The following KIF2A variants were observed in gnomAD, a reference collection of about 807,000 sequenced individuals.
KIF2A encodes the protein kinesin-like protein KIF2A.
A neutral mutation model predicts 100.2 loss-of-function variants in KIF2A; 22 were observed. That is an observed-to-expected ratio of 0.22 (90% confidence interval 0.16 to 0.31). The LOEUF is 0.31. KIF2A is among the 10% of genes least tolerant of loss of function. The pLI, the probability that KIF2A is intolerant of heterozygous loss-of-function variation, is 1.00. For missense variants in KIF2A, 495 were observed against 898.7 expected, an observed-to-expected ratio of 0.55 and a Z score of 5.74; for synonymous variants, 268 against 285.9, an observed-to-expected ratio of 0.94 and a Z score of 0.63.
chr5:62,324,605 G>A lies in KIF2A; in HGVS notation c.64+18069G>A, dbSNP rs192322996. ...AGCAAAGTCGATAATAGCAAGCAAC[G>A]GGGAAAGGACTCCTTATTCAGTAAA... On this transcript the variant is annotated intron_variant, in intron 1 of 20. Coordinates refer to ENST00000407818, the MANE Select transcript of KIF2A (RefSeq NM_001098511.3). Among the ~76,000 whole-genome samples, 230 of 152,252 alleles carry A rather than the reference G, an allele frequency of 1.5e-3. 2 individuals carry two copies. The highest frequency in any genetic ancestry group is 5.3e-3 in the African/African-American group (220 of 41,550).
chr5:62,326,400 A>T (rs1746381915), intron 1 of KIF2A, among the ~76,000 whole-genome samples: 1 of 151,980 alleles, frequency 6.6e-6, no homozygotes, highest in African/African-American at 2.4e-5. Flanking sequence ...CAGCAAAATG[A>T]CCTTGCTTGT....
At chr5:62,344,525 G>A (rs1322101165) in intron 1 of KIF2A, among the ~76,000 whole-genome samples, 1 of 152,136 alleles carries the variant, frequency 6.6e-6, no homozygotes, top group African/African-American at 2.4e-5. Context: ...GTGTTGTTGA[G>A]GGTGTGGAGG....
At chr5:62,353,182 ATG>A (rs1747941374) in intron 5 of KIF2A, 91 bp from the exon 6 acceptor site, 1 of 605,052 alleles carries the variant, frequency 1.7e-6, no homozygotes, top group Non-Finnish European at 2.8e-6. Flanking sequence ...TGTACCTTTT[ATG>A]TGTGTGTGGT....
At chr5:62,335,077 C>T (rs1409248873) in intron 1 of KIF2A, among the ~76,000 whole-genome samples, 1 of 152,170 alleles carries the variant, frequency 6.6e-6, no homozygotes, top group Non-Finnish European at 1.5e-5. Context: ...TCAGGATTCC[C>T]ACACCCTCAA....
chr5:62,321,294 G>C (rs1018368166), intron 1 of KIF2A, among the ~76,000 whole-genome samples: 1 of 152,142 alleles, frequency 6.6e-6, no homozygotes, highest in Non-Finnish European at 1.5e-5. Context: ...AAGTGGAATT[G>C]CTGGATTATA....
chr5:62,379,177 AT>A (rs1741671316), intron 19 of KIF2A, among the ~76,000 whole-genome samples: 1 of 152,216 alleles, frequency 6.6e-6, no homozygotes, highest in South Asian at 2.1e-4. Flanking sequence ...AAAGACCATC[AT>A]TTCCCACTCT....
chr5:62,348,240 T>G (rs779425808), intron 3 of KIF2A, 73 bp downstream of exon 3: 226 of 1,527,428 alleles, frequency 1.5e-4, no homozygotes, highest in Non-Finnish European at 1.9e-4. Context: ...TGTTCTAGTT[T>G]GAAATTGGTA....
chr5:62,326,315 C>T (rs1746377335), intron 1 of KIF2A, among the ~76,000 whole-genome samples: 1 of 152,072 alleles, frequency 6.6e-6, no homozygotes, highest in South Asian at 2.1e-4. Context: ...TCTGGTTTCT[C>T]AAATAGAAAT....
At chr5:62,327,596 A>T (rs1276237527) in intron 1 of KIF2A, among the ~76,000 whole-genome samples, 2 of 152,236 alleles carry the variant, frequency 1.3e-5, no homozygotes, top group Non-Finnish European at 2.9e-5. Flanking sequence ...AACCAAACTC[A>T]TAATCTGACT....
chr5:62,364,328 A>G (rs932325239), intron 14 of KIF2A, among the ~76,000 whole-genome samples: 1 of 152,030 alleles, frequency 6.6e-6, no homozygotes, highest in Admixed American at 6.6e-5. Context: ...TTGTATTTTT[A>G]GTAGATATGG....
chr5:62,329,659 T>C (rs1746540416), intron 1 of KIF2A, among the ~76,000 whole-genome samples: 2 of 152,216 alleles, frequency 1.3e-5, no homozygotes, highest in Non-Finnish European at 2.9e-5. Flanking sequence ...TACTGTGTAG[T>C]TAACTTCCAT....
intron 1 of KIF2A, among the ~76,000 whole-genome samples, chr5:62,317,218 T>G (rs535672159): frequency 6.6e-6 from 1 of 152,224 alleles, no homozygotes; most frequent in East Asian, 1.9e-4. Context: ...CCAGCTAATT[T>G]TGTATTTTTA....
chr5:62,376,987 AAT>A (rs2111994874), intron 18 of KIF2A, among the ~76,000 whole-genome samples: 1 of 152,262 alleles, frequency 6.6e-6, no homozygotes. Flanking sequence ...ACATCTCTCA[AAT>A]ACTGTATTTT....
intron 1 of KIF2A, among the ~76,000 whole-genome samples, chr5:62,343,557 T>C (rs1008913519): frequency 1.3e-5 from 2 of 152,212 alleles, no homozygotes; most frequent in Non-Finnish European, 2.9e-5. Context: ...GGACTTTAGC[T>C]TCTACTCTGT....
chr5:62,309,085 A>G (rs1264360899), intron 1 of KIF2A, among the ~76,000 whole-genome samples: 1 of 152,234 alleles, frequency 6.6e-6, no homozygotes, highest in Non-Finnish European at 1.5e-5. Context: ...ATAGGTGTTA[A>G]CTTTGAAATC....
At chr5:62,338,737 A>T (rs1747112228) in intron 1 of KIF2A, among the ~76,000 whole-genome samples, 1 of 152,240 alleles carries the variant, frequency 6.6e-6, no homozygotes, top group Admixed American at 6.5e-5. Context: ...TAAATGCATC[A>T]AAAGCACCAT....
At chr5:62,344,513 C>T (rs1407546215) in intron 1 of KIF2A, among the ~76,000 whole-genome samples, 2 of 152,114 alleles carry the variant, frequency 1.3e-5, no homozygotes, top group Non-Finnish European at 2.9e-5. Context: ...TGATAATGCT[C>T]AGTGTTGTTG....
Position 62,390,985 on chromosome 5 carries a change from A to C in KIF2A, c.*5416A>C. The C allele has an allele frequency of 2.5e-6, 4 of 1,610,064 alleles. No homozygotes were observed. The South Asian group carries it at 4.4e-5, about 18-fold the overall frequency. ...ATGCTGAAATCTTCTGGTATTATCT[A>C]TCAATATAAGATTCAGAATAAATGA... On this transcript the variant is annotated 3_prime_UTR_variant, in exon 21 of 21. Coordinates refer to ENST00000407818, the MANE Select transcript of KIF2A (RefSeq NM_001098511.3).
intron 1 of KIF2A, among the ~76,000 whole-genome samples, chr5:62,326,316 A>T (rs1366172039): frequency 6.6e-6 from 1 of 152,026 alleles, no homozygotes; most frequent in Non-Finnish European, 1.5e-5. Context: ...CTGGTTTCTC[A>T]AATAGAAATC....
Sources: gnomAD v4.1 joint callset for allele counts (sites outside exome capture counted in the v4.1 genomes callset) on GRCh38, gnomAD v4.1.1 for gene constraint, MANE v1.5 for transcripts, NCBI Gene and HGNC (gene_info 2026-07-23, HGNC 2026-07-21) for gene names.